ADGRB3: variants seen among roughly 807,000 people sequenced by gnomAD.
ADGRB3 encodes the protein brain-specific angiogenesis inhibitor 3.
Under a neutral mutation model 193.4 loss-of-function variants are expected in ADGRB3, and 37 were observed. The observed-to-expected ratio is 0.19, with a 90% CI of 0.15 to 0.25. The LOEUF is 0.25. Among genes scored for constraint, ADGRB3 ranks in the 10% least tolerant of loss-of-function variants. ADGRB3 has a pLI of 1.00. For synonymous variants in ADGRB3, 690 were observed against 644.2 expected, an observed-to-expected ratio of 1.07 and a Z score of -1.08; for missense variants, 1,637 against 1,852.9, an observed-to-expected ratio of 0.88 and a Z score of 2.14.
At chr6:69,045,518 A>G (rs1352082669) in intron 13 of ADGRB3, among the ~76,000 whole-genome samples, 2 of 152,140 alleles carry the variant, frequency 1.3e-5, no homozygotes. Context: ...AAGTGTTCTC[A>G]CCACACAAAA....
At chr6:68,743,483 A>G (rs894818345) in intron 3 of ADGRB3, among the ~76,000 whole-genome samples, 1 of 151,672 alleles carries the variant, frequency 6.6e-6, no homozygotes, top group Non-Finnish European at 1.5e-5. Context: ...TTTCTTAGAC[A>G]TGTGTTCTAT....
intron 20 of ADGRB3, among the ~76,000 whole-genome samples, chr6:69,254,926 C>G (rs1766720359): frequency 1.4e-5 from 2 of 142,088 alleles, no homozygotes; most frequent in South Asian, 4.4e-4. Context: ...TCTCATTGTT[C>G]AATTCCCACC....
chr6:69,371,836 G>A (rs199580969), intron 29 of ADGRB3, among the ~76,000 whole-genome samples: 1 of 151,990 alleles, frequency 6.6e-6, no homozygotes, highest in East Asian at 1.9e-4. Context: ...GAACAAATAC[G>A]TTAGTTCCTT....
At chr6:69,075,527 A>G (rs1178030535) in intron 16 of ADGRB3, among the ~76,000 whole-genome samples, 1 of 152,214 alleles carries the variant, frequency 6.6e-6, no homozygotes, top group Non-Finnish European at 1.5e-5. Flanking sequence ...AGAAATGAAC[A>G]TCTCTTATCT....
chr6:68,944,681 T>G (rs1767729659), intron 6 of ADGRB3, among the ~76,000 whole-genome samples: 1 of 152,188 alleles, frequency 6.6e-6, no homozygotes, highest in Admixed American at 6.6e-5. Context: ...ATGCTGTCAT[T>G]TAGTTTATTC....
intron 13 of ADGRB3, among the ~76,000 whole-genome samples, chr6:69,022,892 C>T (rs565389653): frequency 6.6e-5 from 10 of 152,028 alleles, no homozygotes; most frequent in African/African-American, 1.7e-4. Context: ...ATTGTTCTAA[C>T]GATTTGTCCA....
intron 3 of ADGRB3, among the ~76,000 whole-genome samples, chr6:68,861,286 T>C (rs1467899648): frequency 6.6e-6 from 1 of 152,126 alleles, no homozygotes; most frequent in Non-Finnish European, 1.5e-5. Context: ...CTAATTAAAA[T>C]ATTCTGGGAG....
chr6:69,160,605 C>T (rs1329240282), intron 17 of ADGRB3, among the ~76,000 whole-genome samples: 2 of 152,014 alleles, frequency 1.3e-5, no homozygotes, highest in African/African-American at 2.4e-5. Flanking sequence ...CATAGCTATT[C>T]GTATTTTTCA....
chr6:69,384,883 T>C (rs969105121), intron 31 of ADGRB3, among the ~76,000 whole-genome samples: 3 of 151,972 alleles, frequency 2.0e-5, no homozygotes, highest in African/African-American at 7.2e-5. Flanking sequence ...AGTGGCACAT[T>C]ATTAATGAAA....
chr6:68,819,949 A>T (rs1404544704), intron 3 of ADGRB3, among the ~76,000 whole-genome samples: 2 of 152,078 alleles, frequency 1.3e-5, no homozygotes, highest in Non-Finnish European at 2.9e-5. Context: ...AAATAACCTT[A>T]TCATTGGTTC....
At chr6:68,809,946 T>A (rs1767478074) in intron 3 of ADGRB3, among the ~76,000 whole-genome samples, 1 of 152,304 alleles carries the variant, frequency 6.6e-6, no homozygotes, top group Non-Finnish European at 1.5e-5. Flanking sequence ...AAAGTTCATT[T>A]TTACTTTTCT....
At chr6:69,163,340 C>A (rs915416144) in intron 17 of ADGRB3, among the ~76,000 whole-genome samples, 2 of 152,046 alleles carry the variant, frequency 1.3e-5, no homozygotes, top group African/African-American at 4.8e-5. Flanking sequence ...TGATTCTTTA[C>A]TTTAATTGGG....
At position 68,982,332 on chromosome 6, in the gene ADGRB3, C is replaced by A. The variant is rs945776109; in HGVS notation, c.1734+6992C>A. ...TATCCCAAAAAGTATCCTTCCTTTCCTTAGCTATTCAAATACAGTGAGGAG... is the reference window on the plus strand; with the variant it reads ...TATCCCAAAAAGTATCCTTCCTTTCATTAGCTATTCAAATACAGTGAGGAG... On this transcript the variant is annotated intron_variant, in intron 10 of 31. Transcript: ENST00000370598. Among the ~76,000 whole-genome samples, 11 of 152,224 alleles carry A rather than the reference C, an allele frequency of 7.2e-5. No homozygotes were observed. The East Asian group carries it at 9.6e-4, about 13-fold the overall frequency.
intron 3 of ADGRB3, among the ~76,000 whole-genome samples, chr6:68,679,736 A>C (rs1306010703): frequency 6.6e-6 from 1 of 152,158 alleles, no homozygotes; most frequent in East Asian, 1.9e-4. Flanking sequence ...TTTTTAATAG[A>C]GAAACAAGTA....
intron 17 of ADGRB3, among the ~76,000 whole-genome samples, chr6:69,141,507 A>G (rs1263113724): frequency 8.6e-6 from 1 of 115,884 alleles, no homozygotes; most frequent in Non-Finnish European, 1.9e-5. Flanking sequence ...GAAATGAGAA[A>G]GCAAGCCATA....
chr6:68,887,925 C>A (rs1765954908), intron 3 of ADGRB3, among the ~76,000 whole-genome samples: 1 of 152,066 alleles, frequency 6.6e-6, no homozygotes, highest in African/African-American at 2.4e-5. Flanking sequence ...ACCCAAAATC[C>A]CCACTCACAC....
chr6:69,281,732 G>T (rs1767441540), intron 20 of ADGRB3, among the ~76,000 whole-genome samples: 1 of 152,120 alleles, frequency 6.6e-6, no homozygotes, highest in Admixed American at 6.6e-5. Context: ...GGATTCCTTT[G>T]GGGAGAATCC....
intron 20 of ADGRB3, among the ~76,000 whole-genome samples, chr6:69,313,336 G>A (rs866129482): frequency 3.9e-5 from 6 of 151,910 alleles, no homozygotes; most frequent in Middle Eastern, 3.4e-3. Context: ...ATACCAGGAT[G>A]CCCCTAAATC....
chr6:69,267,776 C>G (rs1767080117), intron 20 of ADGRB3, among the ~76,000 whole-genome samples: 1 of 152,108 alleles, frequency 6.6e-6, no homozygotes, highest in Admixed American at 6.6e-5. Flanking sequence ...ATTACCCTGC[C>G]AAGTGAAGAA....
Sources: allele counts gnomAD v4.1 joint callset (sites outside exome capture counted in the v4.1 genomes callset), GRCh38; gene constraint gnomAD v4.1.1; transcripts MANE v1.5; gene names NCBI Gene and HGNC (gene_info 2026-07-23, HGNC 2026-07-21).